The following LRIG1 variants were observed in gnomAD, a reference collection of about 807,000 sequenced individuals.
LRIG1 encodes leucine rich repeats and immunoglobulin like domains 1.
Under a neutral mutation model 99.2 loss-of-function variants are expected in LRIG1, and 48 were observed. That is an observed-to-expected ratio of 0.48 (90% confidence interval 0.38 to 0.62). The LOEUF is 0.62. Ranked by LOEUF, LRIG1 falls within the 20% of genes least tolerant of loss-of-function variation. The pLI is 0.00. For synonymous variants in LRIG1, 772 were observed against 596.1 expected (o/e 1.29, Z -4.30); for missense variants, 1,646 against 1,434.4 (o/e 1.15, Z -2.38).
intron 3 of LRIG1, among the ~76,000 whole-genome samples, chr3:66,435,438 G>A (rs1241931419): frequency 6.6e-6 from 1 of 152,130 alleles, no homozygotes; most frequent in Non-Finnish European, 1.5e-5. Context: ...AATTAGCCAG[G>A]TGTGGTGGTG....
chr3:66,384,403 G>A lies in LRIG1; in HGVS notation c.1790-131C>T, dbSNP rs1358887343. ...TTCTTTTCTCCCAATGTCTGCCCAG[G>A]ACCACTCCTGCCACCTGTGAATCAG... On this transcript the variant is annotated intron_variant, in intron 13 of 18. Coordinates refer to ENST00000273261, the MANE Select transcript of LRIG1 (RefSeq NM_015541.3). The A allele has an allele frequency of 1.8e-5, 17 of 950,292 alleles. No individual in the cohort carries two copies. The Middle Eastern group carries it at 1.0e-3, about 56-fold the overall frequency. 58.9% of individuals were successfully genotyped at this position (950,292 alleles called of 1,614,324 possible). A position where few individuals can be genotyped will look rare whatever the true frequency, so the allele number is the denominator to read the frequency against.
chr3:66,401,727 C>T, intron 9 of LRIG1: 1 of 1,344,628 alleles, frequency 7.4e-7, no homozygotes, highest in Non-Finnish European at 1.0e-6. Flanking sequence ...TGGGAGGACA[C>T]TATTTCTGTA....
At chr3:66,380,926 G>T (rs968776097) in intron 17 of LRIG1, 65 bp from the exon 18 acceptor site, 2 of 1,542,644 alleles carry the variant, frequency 1.3e-6, no homozygotes, top group African/African-American at 1.4e-5. Flanking sequence ...CCACACAGAG[G>T]ACAGGCTGCT....
chr3:66,444,211 C>T (rs895964099), intron 3 of LRIG1, among the ~76,000 whole-genome samples: 5 of 152,194 alleles, frequency 3.3e-5, no homozygotes, highest in East Asian at 1.9e-4. Flanking sequence ...GCTCACGAAG[C>T]GCTCTCCACC....
At chr3:66,396,578 G>C (rs1475544423) in intron 11 of LRIG1, among the ~76,000 whole-genome samples, 1 of 152,184 alleles carries the variant, frequency 6.6e-6, no homozygotes. Flanking sequence ...CAGCAACGAT[G>C]GGAAACCCAG....
At chr3:66,439,726 A>T (rs1703480484) in intron 3 of LRIG1, among the ~76,000 whole-genome samples, 1 of 152,188 alleles carries the variant, frequency 6.6e-6, no homozygotes, top group Admixed American at 6.5e-5. Flanking sequence ...AATGCAAATG[A>T]CAGTTGGGTG....
At chr3:66,382,443 A>G (rs774956112) in intron 15 of LRIG1, 45 bp from the exon 16 acceptor site, 2 of 1,611,676 alleles carry the variant, frequency 1.2e-6, no homozygotes, top group Non-Finnish European at 1.7e-6. Flanking sequence ...CTCAGTGACA[A>G]GAAATGCAGA....
chr3:66,488,773 T>A (rs1049855072), intron 1 of LRIG1, among the ~76,000 whole-genome samples: 2 of 152,210 alleles, frequency 1.3e-5, no homozygotes, highest in Non-Finnish European at 2.9e-5. Flanking sequence ...AGTGAGTAGC[T>A]GCCCTTCCTG....
intron 1 of LRIG1, among the ~76,000 whole-genome samples, chr3:66,496,738 A>T (rs1024961032): frequency 1.3e-4 from 18 of 140,040 alleles, no homozygotes; most frequent in African/African-American, 5.5e-4. Flanking sequence ...AATCTACTTT[A>T]AAAAAAAAAC....
At chr3:66,443,535 C>A (rs935279837) in intron 3 of LRIG1, among the ~76,000 whole-genome samples, 2 of 152,032 alleles carry the variant, frequency 1.3e-5, no homozygotes, top group Non-Finnish European at 2.9e-5. Context: ...GTTTGCAGAA[C>A]AGGGAGCCTC....
chr3:66,380,666 G>C lies in LRIG1; in HGVS notation c.2966C>G (p.Pro989Arg). The C allele has an allele frequency of 6.2e-7, 1 of 1,614,168 alleles. No homozygotes were observed. The highest frequency in any genetic ancestry group is 8.5e-7 in the Non-Finnish European group (1 of 1,180,028). ...QCSRTAAGSC[P>R]ECQGSLYPSN... ...GGGGTAGAGCGACCCTTGGCACTCG[G>C]GGCAGGACCCAGCGGCAGTCCTGCT... Residue 989 changes from proline to arginine, a missense_variant, in exon 18 of 19, where the codon CCC becomes CGC. By Grantham distance (103) the Pro-to-Arg change is moderately radical. Transcript: ENST00000273261.
At chr3:66,396,411 T>C (rs894064729) in intron 11 of LRIG1, among the ~76,000 whole-genome samples, 4 of 152,202 alleles carry the variant, frequency 2.6e-5, no homozygotes, top group Non-Finnish European at 4.4e-5. Flanking sequence ...CAACTCAAAG[T>C]GTGTTTCTAA....
At chr3:66,430,808 C>T (rs1703146210) in intron 3 of LRIG1, among the ~76,000 whole-genome samples, 1 of 152,216 alleles carries the variant, frequency 6.6e-6, no homozygotes, top group Non-Finnish European at 1.5e-5. Context: ...CATATGCCCA[C>T]CTCTGGGTCA....
chr3:66,443,948 TGGGGACCCCAGTAGGGTG>T lies in LRIG1; in HGVS notation c.365+7593_365+7610del, dbSNP rs1200769489. The stretch of plus-strand genomic sequence containing the variant: ...TGCTAGGAAAGGGCAATGGGGCAGG[TGGGGACCCCAGTAGGGTG>T]GGGGAAAAAATGCCCACCTTTCAGA... On this transcript the variant is annotated intron_variant, in intron 3 of 18. Transcript: ENST00000273261. Among the ~76,000 whole-genome samples the T allele has an allele frequency of 1.6e-4, 24 of 152,106 alleles. No individual in the cohort carries two copies. In the East Asian group the frequency reaches 4.4e-3, roughly 28 times the overall value.
intron 1 of LRIG1, 47 bp downstream of exon 1, chr3:66,500,143 G>C (rs1021385348): frequency 1.4e-6 from 2 of 1,452,394 alleles, no homozygotes; most frequent in Non-Finnish European, 1.8e-6. Flanking sequence ...CCATCCCCAA[G>C]TGACAGAGCC....
chr3:66,456,459 G>C (rs1700222905), intron 2 of LRIG1, among the ~76,000 whole-genome samples: 1 of 151,680 alleles, frequency 6.6e-6, no homozygotes, highest in Non-Finnish European at 1.5e-5. Flanking sequence ...TGTAGTTCCA[G>C]CTACTCAGGA....
chr3:66,385,119 C>T (rs988841447), intron 13 of LRIG1, among the ~76,000 whole-genome samples: 2 of 152,152 alleles, frequency 1.3e-5, no homozygotes, highest in African/African-American at 4.8e-5. Flanking sequence ...TGGGGTGGGA[C>T]AGTAAACTCT....
At chr3:66,402,384 T>C (rs1052347409) in intron 9 of LRIG1, among the ~76,000 whole-genome samples, 1 of 150,582 alleles carries the variant, frequency 6.6e-6, no homozygotes, top group Non-Finnish European at 1.5e-5. Flanking sequence ...ATTCCCACCC[T>C]GCTGGGAAGC....
chr3:66,416,026 G>C (rs890790137), intron 4 of LRIG1, among the ~76,000 whole-genome samples: 1 of 152,164 alleles, frequency 6.6e-6, no homozygotes, highest in Non-Finnish European at 1.5e-5. Flanking sequence ...AATGGGGCTG[G>C]ACTGTTTGTT....
Sources: allele counts gnomAD v4.1 joint callset (sites outside exome capture counted in the v4.1 genomes callset), GRCh38; gene constraint gnomAD v4.1.1; transcripts MANE v1.5; gene names NCBI Gene and HGNC (gene_info 2026-07-23, HGNC 2026-07-21).